INVS: variants seen among roughly 807,000 people sequenced by gnomAD.
INVS encodes the protein inversin.
Under a neutral mutation model 108.8 loss-of-function variants are expected in INVS, and 86 were observed. The ratio of observed to expected loss-of-function variants is 0.79; its 90% CI spans 0.66 to 0.95. INVS has a LOEUF of 0.95. Among genes scored for constraint, INVS ranks in the 40% least tolerant of loss-of-function variants. The pLI, the probability that INVS is intolerant of heterozygous loss-of-function variation, is 0.00. For missense variants in INVS, 1,169 were observed against 1,297.4 expected (o/e 0.90, Z 1.52); for synonymous variants, 455 against 473.5 (o/e 0.96, Z 0.51).
chr9:100,204,681 G>C (rs561091198), intron 3 of INVS, among the ~76,000 whole-genome samples: 118 of 152,044 alleles, frequency 7.8e-4, no homozygotes, highest in African/African-American at 2.7e-3. Flanking sequence ...TCCCACCTCT[G>C]AACAGGTTTC....
chr9:100,219,166 TAA>T (rs1282885121), intron 3 of INVS, among the ~76,000 whole-genome samples: 1 of 151,166 alleles, frequency 6.6e-6, no homozygotes, highest in Non-Finnish European at 1.5e-5. Flanking sequence ...CCAGAATACA[TAA>T]AGAACTCCTA....
At chr9:100,151,324 T>C (rs961617421) in intron 3 of INVS, among the ~76,000 whole-genome samples, 4 of 151,788 alleles carry the variant, frequency 2.6e-5, no homozygotes, top group African/African-American at 7.3e-5. Context: ...AAAAAATTTT[T>C]AAAAATTCGC....
rs377244509 is a variant in INVS at position 100,286,566 on chromosome 9, T to C, written c.2068+1963T>C. ...AAAATATATATATCTAAAATGAATATAAACATTTCTGGAATATAATTCCAT... is the reference window on the plus strand; with the variant it reads ...AAAATATATATATCTAAAATGAATACAAACATTTCTGGAATATAATTCCAT... On this transcript the variant is annotated intron_variant, in intron 13 of 16. Coordinates refer to ENST00000262457, the MANE Select transcript of INVS (RefSeq NM_014425.5). Among the ~76,000 whole-genome samples the C allele has an allele frequency of 6.6e-5, 10 of 152,296 alleles. No individual in the cohort carries two copies. In the South Asian group the frequency reaches 1.0e-3, roughly 16 times the overall value.
At chr9:100,132,489 C>G (rs1828083213) in intron 3 of INVS, among the ~76,000 whole-genome samples, 1 of 152,148 alleles carries the variant, frequency 6.6e-6, no homozygotes, top group Non-Finnish European at 1.5e-5. Flanking sequence ...TACATCCTAT[C>G]TTCTATGTAG....
At chr9:100,109,995 A>C (rs1255770000) in intron 2 of INVS, among the ~76,000 whole-genome samples, 14 of 152,226 alleles carry the variant, frequency 9.2e-5, no homozygotes, top group Non-Finnish European at 2.1e-4. Flanking sequence ...CTTCTGACAC[A>C]GTATTTAGAT....
At chr9:100,263,612 A>G (rs1020911326) in intron 10 of INVS, among the ~76,000 whole-genome samples, 3 of 152,186 alleles carry the variant, frequency 2.0e-5, no homozygotes. Flanking sequence ...TAATCTTCCC[A>G]TCTCAAGTTC....
intron 2 of INVS, chr9:100,117,515 C>A (rs980330769): frequency 7.8e-6 from 7 of 897,374 alleles, no homozygotes; most frequent in Admixed American, 1.8e-5. Flanking sequence ...GCCCCGTCCA[C>A]GGCCGCAACC....
chr9:100,126,650 G>A, intron 3 of INVS, 101 bp downstream of exon 3: 1 of 1,103,010 alleles, frequency 9.1e-7, no homozygotes, highest in East Asian at 2.4e-5. Flanking sequence ...AGTCTCAAAT[G>A]CATGACTCAT....
Position 100,251,741 on chromosome 9 carries a change from T to C in INVS, c.1079-542T>C, listed in dbSNP as rs573653967. On this transcript the variant is annotated intron_variant, in intron 8 of 16. Coordinates refer to ENST00000262457, the MANE Select transcript of INVS (RefSeq NM_014425.5). Reference sequence around the variant, plus strand: ...AGTAGCTGGCTTGTAGCTGATATTGTATTAAAAATGCACTCAATGCAGCAA... The same window carrying C: ...AGTAGCTGGCTTGTAGCTGATATTGCATTAAAAATGCACTCAATGCAGCAA... Among the ~76,000 whole-genome samples, 11 of 152,290 alleles carry C rather than the reference T, an allele frequency of 7.2e-5. No homozygotes were observed. The South Asian group carries it at 2.1e-3, about 29-fold the overall frequency.
At chr9:100,193,699 C>A (rs973448378) in intron 3 of INVS, among the ~76,000 whole-genome samples, 2 of 152,136 alleles carry the variant, frequency 1.3e-5, no homozygotes, top group African/African-American at 4.8e-5. Flanking sequence ...TAAAACTATT[C>A]TTTTTGCCTA....
At position 100,301,761 on chromosome 9, in the gene INVS, A is replaced by AGAT. The variant is rs796475501; in HGVS notation, c.*1088_*1090dup. On this transcript the variant is annotated 3_prime_UTR_variant, in exon 17 of 17. Coordinates refer to ENST00000262457, the MANE Select transcript of INVS (RefSeq NM_014425.5). ...TCTGTGCTAACGGTAAGAGATAGACAGATAGGCAATGAAGTGTTCACTTAA... is the reference window on the plus strand; with the variant it reads ...TCTGTGCTAACGGTAAGAGATAGACAGATGATAGGCAATGAAGTGTTCACTTAA... 6.6e-5 allele frequency among the ~76,000 whole-genome samples: 10 copies of AGAT among 152,074 alleles called. No individual in the cohort carries two copies. Among genetic ancestry groups the AGAT allele is most frequent in the African/African-American group, 2.4e-4 (10 of 41,458 alleles).
At position 100,272,923 on chromosome 9, in the gene INVS, T is replaced by G; in HGVS notation, c.1631T>G (p.Leu544Trp). Residue 544 changes from leucine to tryptophan, a missense_variant, in exon 12 of 17, where the codon TTG becomes TGG. Transcript: ENST00000262457. ...GERHEVIQFM[L>W]EHGALSIAAI... The stretch of plus-strand genomic sequence containing the variant: ...CGCCATGAAGTGATCCAGTTCATGT[T>G]GGAGCACGGTGCCCTGTCCATCGCA... 1 of 1,614,166 alleles carries G rather than the reference T, an allele frequency of 6.2e-7. No individual in the cohort carries two copies. Among genetic ancestry groups the G allele is most frequent in the Non-Finnish European group, 8.5e-7 (1 of 1,180,034 alleles).
chr9:100,199,307 ACTTT>A (rs1044390939), intron 3 of INVS, among the ~76,000 whole-genome samples: 8 of 151,974 alleles, frequency 5.3e-5, no homozygotes, highest in African/African-American at 1.9e-4. Flanking sequence ...TCTCTTATAG[ACTTT>A]CTTTTTTATC....
chr9:100,295,167 C>T (rs1471181225), intron 14 of INVS, among the ~76,000 whole-genome samples: 5 of 152,214 alleles, frequency 3.3e-5, no homozygotes, highest in African/African-American at 9.6e-5. Context: ...CTGCTCCCTA[C>T]CTGAAATGTC....
chr9:100,285,058 G>C (rs1354630235), intron 13 of INVS, among the ~76,000 whole-genome samples: 1 of 152,082 alleles, frequency 6.6e-6, no homozygotes, highest in Non-Finnish European at 1.5e-5. Context: ...TAAGATTCTT[G>C]TATCATTTCC....
intron 11 of INVS, among the ~76,000 whole-genome samples, chr9:100,270,736 A>G: frequency 6.8e-6 from 1 of 147,682 alleles, no homozygotes; most frequent in East Asian, 2.0e-4. Context: ...CAACAAGAGC[A>G]AAACTCCATC....
chr9:100,284,651 C>G, intron 13 of INVS, 48 bp downstream of exon 13: 1 of 1,588,948 alleles, frequency 6.3e-7, no homozygotes, highest in Non-Finnish European at 8.6e-7. Flanking sequence ...GGACTGTGGG[C>G]TTTTTTGATT....
At chr9:100,192,539 T>C (rs968461184) in intron 3 of INVS, among the ~76,000 whole-genome samples, 18 of 152,302 alleles carry the variant, frequency 1.2e-4, no homozygotes, top group South Asian at 2.1e-4. Context: ...ACAAGTCTTT[T>C]TGTGGACATT....
intron 12 of INVS, among the ~76,000 whole-genome samples, chr9:100,278,071 C>CA (rs1833161445): frequency 6.6e-6 from 1 of 151,628 alleles, no homozygotes; most frequent in African/African-American, 2.4e-5. Context: ...CACGTCTCTA[C>CA]AAAAAAATTT....
Sources: gnomAD v4.1 joint callset for allele counts (sites outside exome capture counted in the v4.1 genomes callset) on GRCh38, gnomAD v4.1.1 for gene constraint, MANE v1.5 for transcripts, NCBI Gene and HGNC (gene_info 2026-07-23, HGNC 2026-07-21) for gene names.